Variants in PRDM6 observed in about 807,000 individuals in gnomAD.
The protein encoded by PRDM6 is putative histone-lysine N-methyltransferase PRDM6.
PRDM6 carries 25 observed loss-of-function variants against 60.8 expected under a neutral mutation model. The ratio of observed to expected loss-of-function variants is 0.41; its 90% CI spans 0.30 to 0.57. PRDM6 has a LOEUF of 0.57. Among genes scored for constraint, PRDM6 ranks in the 20% least tolerant of loss-of-function variants. PRDM6 has a pLI of 0.27. For missense variants in PRDM6, 839 were observed against 821.3 expected (o/e 1.02, Z -0.26); for synonymous variants, 407 against 357.4 (o/e 1.14, Z -1.57).
intron 3 of PRDM6, among the ~76,000 whole-genome samples, chr5:123,153,784 A>G (rs1289118139): frequency 1.3e-5 from 2 of 152,204 alleles, no homozygotes; most frequent in Non-Finnish European, 2.9e-5. Context: ...CTGGTGATCA[A>G]ATGAGCCAAC....
rs1766463846 is a variant in PRDM6 at position 123,193,231 on chromosome 5, T to C, written c.*6030T>C. The C allele has an allele frequency of 1.3e-5, 2 of 152,242 alleles. No individual in the cohort carries two copies. The highest frequency in any genetic ancestry group is 2.9e-5 in the Non-Finnish European group (2 of 68,046). The allele number at this position is 152,242 out of a possible 1,614,324, so 9.4% of individuals were successfully genotyped here. On this transcript the variant is annotated 3_prime_UTR_variant, in exon 8 of 8. Coordinates refer to ENST00000407847, the MANE Select transcript of PRDM6 (RefSeq NM_001136239.4). ...TTTCCTGCCTTGAAAAACATCCTTG[T>C]TGGTGCCTTTCTCCCACTTTGGTAC...
chr5:123,187,036 AC>A, intron 7 of PRDM6, 50 bp from the exon 8 acceptor site: 12 of 1,352,698 alleles, frequency 8.9e-6, no homozygotes, highest in Non-Finnish European at 1.2e-5. Flanking sequence ...GAAGCCCATC[AC>A]CCTGCAGGCC....
At chr5:123,166,006 A>C (rs75695976) in intron 5 of PRDM6, among the ~76,000 whole-genome samples, 141 of 152,240 alleles carry the variant, frequency 9.3e-4, no homozygotes, top group African/African-American at 3.1e-3. Flanking sequence ...TAGATTCTAA[A>C]CATCTCTAGA....
At chr5:123,129,190 G>T (rs1210292239) in intron 3 of PRDM6, among the ~76,000 whole-genome samples, 1 of 152,178 alleles carries the variant, frequency 6.6e-6, no homozygotes, top group Admixed American at 6.5e-5. Context: ...TTTGAAGTCA[G>T]GTAGCATGAT....
chr5:123,170,333 C>G (rs373340725), intron 5 of PRDM6, among the ~76,000 whole-genome samples: 7 of 152,326 alleles, frequency 4.6e-5, no homozygotes, highest in African/African-American at 1.7e-4. Context: ...TGGAGGAAAG[C>G]CTGAAATTCT....
At chr5:123,124,895 C>G (rs994103347) in intron 3 of PRDM6, among the ~76,000 whole-genome samples, 9 of 151,288 alleles carry the variant, frequency 5.9e-5, no homozygotes, top group African/African-American at 2.2e-4. Flanking sequence ...ATACAATTTT[C>G]TAAAAGAAAA....
chr5:123,193,008 CTG>C lies in PRDM6; in HGVS notation c.*5810_*5811del, dbSNP rs1447315318. ...GTTCTGGGGCACAATCTAGATGAAA[CTG>C]TGAGGTTTGTTCAAAAAGTAAGTGT... On this transcript the variant is annotated 3_prime_UTR_variant, in exon 8 of 8. Transcript: ENST00000407847. 1 of 152,176 alleles carries C rather than the reference CTG, an allele frequency of 6.6e-6. No individual in the cohort carries two copies. Among genetic ancestry groups the C allele is most frequent in the Non-Finnish European group, 1.5e-5 (1 of 68,040 alleles). The allele number at this position is 152,176 out of a possible 1,614,324, so 9.4% of individuals were successfully genotyped here.
intron 2 of PRDM6, among the ~76,000 whole-genome samples, chr5:123,098,790 C>G (rs1204361598): frequency 2.0e-5 from 3 of 152,220 alleles, no homozygotes; most frequent in African/African-American, 7.2e-5. Flanking sequence ...CTAGGGAGAG[C>G]GTGCACACCA....
chr5:123,122,522 T>C (rs535863320), intron 3 of PRDM6, among the ~76,000 whole-genome samples: 15 of 152,318 alleles, frequency 9.8e-5, no homozygotes, highest in Admixed American at 9.2e-4. Context: ...CTTTTGTTCC[T>C]GGTGATCATT....
rs1394364007 is a variant in PRDM6 at position 123,191,842 on chromosome 5, A to C, written c.*4641A>C. 1 of 152,232 alleles carries C rather than the reference A, an allele frequency of 6.6e-6. No homozygotes were observed. Among genetic ancestry groups the C allele is most frequent in the Non-Finnish European group, 1.5e-5 (1 of 68,042 alleles). 9.4% of individuals were successfully genotyped at this position (152,232 alleles called of 1,614,324 possible). A position where few individuals can be genotyped will look rare whatever the true frequency, so the allele number is the denominator to read the frequency against. On this transcript the variant is annotated 3_prime_UTR_variant, in exon 8 of 8. Coordinates refer to ENST00000407847, the MANE Select transcript of PRDM6 (RefSeq NM_001136239.4). Reference sequence around the variant, plus strand: ...AGCTGTCAGGTACAACTGGCCAGACAGAGCCAAACTGAAAAGAATATTGCT... The same window carrying C: ...AGCTGTCAGGTACAACTGGCCAGACCGAGCCAAACTGAAAAGAATATTGCT...
chr5:123,177,867 C>T (rs1414071430), intron 6 of PRDM6, among the ~76,000 whole-genome samples: 1 of 152,128 alleles, frequency 6.6e-6, no homozygotes, highest in African/African-American at 2.4e-5. Context: ...GTCCAAATGC[C>T]ACAGCTGATC....
intron 3 of PRDM6, among the ~76,000 whole-genome samples, chr5:123,145,106 A>G (rs1246986860): frequency 6.6e-6 from 1 of 152,200 alleles, no homozygotes; most frequent in East Asian, 1.9e-4. Context: ...TGCTTGTTTA[A>G]TGCTGCCTTT....
At chr5:123,138,930 C>T (rs912894609) in intron 3 of PRDM6, among the ~76,000 whole-genome samples, 1 of 152,152 alleles carries the variant, frequency 6.6e-6, no homozygotes, top group Non-Finnish European at 1.5e-5. Flanking sequence ...CTGTAATCCT[C>T]ACGTGTCGAG....
At position 123,099,844 on chromosome 5, in the gene PRDM6, C is replaced by T. The variant is rs908184402; in HGVS notation, c.783C>T (p.Gly261=). 6 of 1,550,562 alleles carry T rather than the reference C, an allele frequency of 3.9e-6. No homozygotes were observed. Among genetic ancestry groups the T allele is most frequent in the Non-Finnish European group, 5.2e-6 (6 of 1,146,826 alleles). ...GTACTGTGCCCGGCCTGGCCTACGG[C>T]ATCTGCGCGGCGCAGAGGATCCAGC... ...CTSTVPGLAY[G]ICAAQRIQQG... The change falls in exon 3 of 8, where the codon GGC becomes GGT. Residue 261 remains glycine, a synonymous_variant. Transcript: ENST00000407847. This position sits in a 1 kb window ranked among gnomAD's most constrained non-coding sequence, Gnocchi z 4.0.
intron 3 of PRDM6, among the ~76,000 whole-genome samples, chr5:123,151,974 G>A (rs2126869741): frequency 1.3e-5 from 2 of 152,154 alleles, no homozygotes; most frequent in Non-Finnish European, 1.5e-5. Flanking sequence ...GAAAGCCTGT[G>A]CTGGTAAAAA....
intron 3 of PRDM6, among the ~76,000 whole-genome samples, chr5:123,129,935 C>G (rs1764782550): frequency 6.6e-6 from 1 of 152,118 alleles, no homozygotes; most frequent in African/African-American, 2.4e-5. Flanking sequence ...AGCTTGCCTG[C>G]CTGCCTGTCC....
chr5:123,129,485 A>G (rs1293677476), intron 3 of PRDM6, among the ~76,000 whole-genome samples: 2 of 152,138 alleles, frequency 1.3e-5, no homozygotes, highest in Admixed American at 6.5e-5. Context: ...GGGATTTCTT[A>G]TAGAGCAGGG....
intron 3 of PRDM6, among the ~76,000 whole-genome samples, chr5:123,145,313 C>T (rs74370438): frequency 0.015 from 2,232 of 152,276 alleles, 47 homozygotes; most frequent in African/African-American, 0.051. Context: ...ATGTCTCTCA[C>T]CTATGGCACT....
intron 3 of PRDM6, among the ~76,000 whole-genome samples, chr5:123,134,677 T>G (rs1764912456): frequency 6.6e-6 from 1 of 152,172 alleles, no homozygotes; most frequent in Admixed American, 6.5e-5. Context: ...CCAGAATAAC[T>G]GTAAACAGAC....
Sources: gnomAD v4.1 joint callset for allele counts (sites outside exome capture counted in the v4.1 genomes callset) on GRCh38, gnomAD v4.1.1 for gene constraint, Gnocchi (gnomAD v3.1) non-coding constraint, MANE v1.5 for transcripts, NCBI Gene and HGNC (gene_info 2026-07-23, HGNC 2026-07-21) for gene names.